SEC16A: variants seen among roughly 807,000 people sequenced by gnomAD.
SEC16A encodes the protein protein transport protein Sec16A.
SEC16A carries 110 observed loss-of-function variants against 221.9 expected under a neutral mutation model. The observed-to-expected ratio is 0.50, with a 90% CI of 0.42 to 0.58. The LOEUF (loss-of-function observed/expected upper bound fraction) is 0.58, where lower values mean the gene tolerates loss of function less well. SEC16A is among the 20% of genes least tolerant of loss of function. The probability of loss-of-function intolerance (pLI) is 0.00; values close to 1 mark genes in which losing one functional copy is unlikely to be tolerated. For synonymous variants in SEC16A, 1,393 were observed against 1,257.7 expected, an observed-to-expected ratio of 1.11 and a Z score of -2.28; for missense variants, 3,165 against 3,097.8, an observed-to-expected ratio of 1.02 and a Z score of -0.52.
In SEC16A at chr9:136,459,766, C is replaced by T. The variant is rs1374702909; in HGVS notation, c.5182G>A (p.Asp1728Asn). The T allele has an allele frequency of 6.2e-6, 10 of 1,608,780 alleles. No individual in the cohort carries two copies. Among genetic ancestry groups the T allele is most frequent in the East Asian group, 4.5e-5 (2 of 44,734 alleles). The change falls in exon 15 of 32, where the codon GAC becomes AAC. Residue 1728 changes from aspartate (D) to asparagine (N), a missense_variant. By Grantham distance (23) the Asp-to-Asn change is conservative. Transcript: ENST00000684901. The surrounding 1 kb of genome is among the most constrained non-coding windows in gnomAD (Gnocchi z 6.1). ...VESRTMATMGDTLASRGLLDA... is the reference protein window; with the variant it reads ...VESRTMATMGNTLASRGLLDA... Reference sequence around the variant, plus strand: ...TCCACCCCTGACCTACCCAGAGTGTCGCCCATGGTAGCCATCGTCCTGGAC... The same window carrying T: ...TCCACCCCTGACCTACCCAGAGTGTTGCCCATGGTAGCCATCGTCCTGGAC...
chr9:136,446,647 A>C (rs1247880293), intron 28 of SEC16A, among the ~76,000 whole-genome samples: 6 of 152,188 alleles, frequency 3.9e-5, no homozygotes, highest in Non-Finnish European at 7.3e-5. Flanking sequence ...CACTATCCCC[A>C]GATCTCCGTC....
rs372085051 is a variant in SEC16A, at chr9:136,477,367, G to A, written c.249C>T (p.Pro83=). ...SSPPVLQGPA[P]AGFSQHPGLL... is the part of the protein sequence containing the mutation. ...AACCGGGGTGCTGAGAAAACCCTGC[G>A]GGGGCTGGGCCTTGCAAGACAGGTG... is the stretch of plus-strand genomic sequence containing the variant. The change falls in exon 3 of 32, where the codon CCC becomes CCT. Residue 83 remains proline (P), a synonymous_variant. Coordinates refer to ENST00000684901, the MANE Select transcript of SEC16A (RefSeq NM_014866.2). The A allele has an allele frequency of 8.6e-4, 1,381 of 1,613,926 alleles. 22 individuals carry two copies. The South Asian group carries it at 0.014, about 16-fold the overall frequency.
chr9:136,482,809 C>T (rs1417042987), intron 1 of SEC16A, 129 bp downstream of exon 1: 14 of 212,658 alleles, frequency 6.6e-5, no homozygotes, highest in Non-Finnish European at 1.1e-4. Context: ...CCGAGATGCA[C>T]CGCCCGCTCG....
At chr9:136,451,731 G>A (rs902258395) in intron 22 of SEC16A, among the ~76,000 whole-genome samples, 58 of 152,346 alleles carry the variant, frequency 3.8e-4, no homozygotes, top group African/African-American at 1.3e-3. Flanking sequence ...AGCATGCACT[G>A]AGGGAAGACT....
intron 31 of SEC16A, among the ~76,000 whole-genome samples, chr9:136,443,269 C>T (rs1401211454): frequency 1.3e-5 from 2 of 151,880 alleles, no homozygotes; most frequent in East Asian, 1.9e-4. Context: ...CTGGTGTCCA[C>T]GCAGAGCTGA....
rs757170935 is a variant in SEC16A at position 136,467,027 on chromosome 9, A to G, written c.3859T>C (p.Tyr1287His). 10 of 1,613,858 alleles carry G rather than the reference A, an allele frequency of 6.2e-6. No individual in the cohort carries two copies. The highest frequency in any genetic ancestry group is 7.6e-6 in the Non-Finnish European group (9 of 1,179,772). Residue 1287 changes from tyrosine to histidine, a missense_variant, in exon 6 of 32, where the codon TAT (tyrosine) becomes CAT (histidine). By Grantham distance (83) the Tyr-to-His change is moderately conservative. Coordinates refer to ENST00000684901, the MANE Select transcript of SEC16A (RefSeq NM_014866.2). ...GCATCACACCAATACCTCCGGTCAT[A>G]GGTGCGGGGGTCCCTGACTCTAGCA... ...YSARVRDPRT[Y>H]DRRYWCDAEY...
Position 136,447,523 on chromosome 9 carries a change from G to A in SEC16A, c.6559+46C>T, listed in dbSNP as rs1472705830. On this transcript the variant is annotated intron_variant, in intron 26 of 31. Coordinates refer to ENST00000684901, the MANE Select transcript of SEC16A (RefSeq NM_014866.2). This position sits in a 1 kb window ranked among gnomAD's most constrained non-coding sequence, Gnocchi z 5.5. Reference sequence around the variant, plus strand: ...GCTACACATTGGCCTCTCTCTCTGGGACAGTTAATCGTTCAAGCAAGCTCC... The same window carrying A: ...GCTACACATTGGCCTCTCTCTCTGGAACAGTTAATCGTTCAAGCAAGCTCC... 4 of 1,559,506 alleles carry A rather than the reference G, an allele frequency of 2.6e-6. No homozygotes were observed. The highest frequency in any genetic ancestry group is 1.7e-5 in the Admixed American group (1 of 58,278).
intron 17 of SEC16A, among the ~76,000 whole-genome samples, chr9:136,458,881 A>C (rs1362013886): frequency 6.6e-6 from 1 of 152,198 alleles, no homozygotes; most frequent in African/African-American, 2.4e-5. Flanking sequence ...CAGCCTGGGC[A>C]ACAGAGTGAG....
At chr9:136,483,095 C>G (rs1238841523), upstream of SEC16A, 1 of 875,438 alleles carries the variant, frequency 1.1e-6, no homozygotes, top group African/African-American at 1.8e-5. Flanking sequence ...ACGACATCAG[C>G]GCGCGCCCCG....
At chr9:136,461,413 T>C in intron 12 of SEC16A, 139 bp from the exon 13 acceptor site, 1 of 671,442 alleles carries the variant, frequency 1.5e-6, no homozygotes, top group Non-Finnish European at 2.7e-6. Context: ...ATTCACCATT[T>C]GGAGACTAAA....
rs1266432602 is a variant in SEC16A, at chr9:136,464,454, CCTT to C, written c.4409_4411del (p.Glu1470del). 1 of 1,612,254 alleles carries C rather than the reference CCTT, an allele frequency of 6.2e-7. No individual in the cohort carries two copies. Among genetic ancestry groups the C allele is most frequent in the South Asian group, 1.1e-5 (1 of 91,058 alleles). On this transcript the variant is annotated inframe_deletion, in exon 9 of 32. Transcript: ENST00000684901. ...GTGGACCTCCACCAAGGCCGGCTGT[CCTT>C]CTGAAGGCAGATTGGGAATCACTTT...
rs775754248 is a variant in SEC16A, at chr9:136,475,382, G to A, written c.2234C>T (p.Pro745Leu). 35 of 1,609,052 alleles carry A rather than the reference G, an allele frequency of 2.2e-5. No individual in the cohort carries two copies. Among genetic ancestry groups the A allele is most frequent in the Admixed American group, 1.5e-4 (9 of 59,496 alleles). The change falls in exon 3 of 32, where the codon CCG (proline) becomes CTG (leucine). Residue 745 changes from proline (P) to leucine (L), a missense_variant. By Grantham distance (98) the Pro-to-Leu change is moderately conservative (BLOSUM62 -3). Coordinates refer to ENST00000684901, the MANE Select transcript of SEC16A (RefSeq NM_014866.2). The surrounding 1 kb of genome is among the most constrained non-coding windows in gnomAD (Gnocchi z 5.0). ...AGGTTTTGCACACACATAAAGCGCC[G>A]GGGCTGCAGGGGCCAGAAGGACGTT... ...GGNVLLAPAA[P>L]ALYVCAKPQP...
rs763808338 is a variant in SEC16A at position 136,448,561 on chromosome 9, AG to A, written c.6313-401del. ...ATCCACAGAGACGCCAGGAGGATGG[AG>A]GTGGGGAGCAGATCCATAGAGACAC... On this transcript the variant is annotated intron_variant, in intron 23 of 31. Coordinates refer to ENST00000684901, the MANE Select transcript of SEC16A (RefSeq NM_014866.2). 60 of 678,924 alleles carry A rather than the reference AG, an allele frequency of 8.8e-5. No homozygotes were observed. In the African/African-American group the frequency reaches 1.0e-3, roughly 11 times the overall value. 42.1% of individuals were successfully genotyped at this position (678,924 alleles called of 1,614,324 possible). A position where few individuals can be genotyped will look rare whatever the true frequency, so the allele number is the denominator to read the frequency against.
intron 11 of SEC16A, 81 bp downstream of exon 11, chr9:136,463,382 G>A: frequency 1.3e-6 from 2 of 1,549,134 alleles, no homozygotes; most frequent in East Asian, 4.5e-5. Context: ...ATCCCGCCCT[G>A]CTCCTTCGGG....
At chr9:136,482,165 G>C (rs947934800) in intron 1 of SEC16A, among the ~76,000 whole-genome samples, 3 of 152,146 alleles carry the variant, frequency 2.0e-5, no homozygotes, top group African/African-American at 7.2e-5. Context: ...AAGGGGATGA[G>C]GAAAAAACGC....
intron 13 of SEC16A, 50 bp from the exon 14 acceptor site, chr9:136,460,173 A>T: frequency 2.0e-6 from 3 of 1,486,796 alleles, no homozygotes; most frequent in Non-Finnish European, 2.8e-6. Flanking sequence ...AGCTAAAAGA[A>T]AAAAGCCGGC....
At chr9:136,472,394 G>A (rs919919196) in intron 3 of SEC16A, among the ~76,000 whole-genome samples, 25 of 152,254 alleles carry the variant, frequency 1.6e-4, no homozygotes, top group African/African-American at 5.8e-4. Flanking sequence ...CCCTGTTCAG[G>A]AGACCTCTGG....
At chr9:136,464,772 T>C (rs954792556) in intron 8 of SEC16A, among the ~76,000 whole-genome samples, 1 of 152,224 alleles carries the variant, frequency 6.6e-6, no homozygotes, top group Non-Finnish European at 1.5e-5. Flanking sequence ...TCATTAAGCA[T>C]GAAAGCTGTT....
At chr9:136,462,859 C>T (rs751111975) in intron 12 of SEC16A, 28 bp downstream of exon 12, 193 of 1,593,822 alleles carry the variant, frequency 1.2e-4, no homozygotes, top group Non-Finnish European at 1.2e-4. Context: ...CATGTGCAGG[C>T]GCCAGGTGCC....
Sources: allele counts gnomAD v4.1 joint callset (sites outside exome capture counted in the v4.1 genomes callset), GRCh38; gene constraint gnomAD v4.1.1; non-coding constraint Gnocchi (gnomAD v3.1); transcripts MANE v1.5; gene names NCBI Gene and HGNC (gene_info 2026-07-23, HGNC 2026-07-21).